RPS6KA2: variants seen among roughly 807,000 people sequenced by gnomAD.
RPS6KA2 encodes ribosomal protein S6 kinase alpha-2.
Under a neutral mutation model 91.8 loss-of-function variants are expected in RPS6KA2, and 42 were observed. The observed-to-expected ratio is 0.46, with a 90% CI of 0.36 to 0.59. The LOEUF is 0.59. Among genes scored for constraint, RPS6KA2 ranks in the 20% least tolerant of loss-of-function variants. RPS6KA2 has a pLI of 0.00. For synonymous variants in RPS6KA2, 414 were observed against 393.6 expected (o/e 1.05, Z -0.61); for missense variants, 798 against 978.5 (o/e 0.82, Z 2.46).
At chr6:166,472,338 A>G (rs1780803884) in intron 10 of RPS6KA2, among the ~76,000 whole-genome samples, 1 of 152,192 alleles carries the variant, frequency 6.6e-6, no homozygotes, top group South Asian at 2.1e-4. Flanking sequence ...AGAAAGTGAG[A>G]GGCAGAGGAA....
rs1334825573 is a variant in RPS6KA2 at position 166,494,141 on chromosome 6, T to TAG, written c.748-3402_748-3401dup. ...ACCTGAGATGGATGACTTGAAGTGG[T>TAG]AGAGGGCCTGGCTTTGCAGGGTATG... is the stretch of plus-strand genomic sequence containing the variant. On this transcript the variant is annotated intron_variant, in intron 8 of 20. Coordinates refer to ENST00000265678, the MANE Select transcript of RPS6KA2 (RefSeq NM_021135.6). The surrounding 1 kb of genome is among the most constrained non-coding windows in gnomAD (Gnocchi z 5.1). 6.6e-6 allele frequency among the ~76,000 whole-genome samples: 1 copy of TAG among 152,116 alleles called. No individual in the cohort carries two copies. The highest frequency in any genetic ancestry group is 2.4e-5 in the African/African-American group (1 of 41,420).
chr6:166,687,381 G>A (rs935719476), intron 2 of RPS6KA2, among the ~76,000 whole-genome samples: 5 of 152,170 alleles, frequency 3.3e-5, no homozygotes, highest in African/African-American at 1.2e-4. Context: ...AGTGTCCATG[G>A]TGCTGTGTAT....
chr6:166,591,530 C>T (rs1785353652), intron 1 of RPS6KA2, among the ~76,000 whole-genome samples: 1 of 152,070 alleles, frequency 6.6e-6, no homozygotes, highest in Non-Finnish European at 1.5e-5. Flanking sequence ...CCACCTAATC[C>T]AAGATGACTT....
In RPS6KA2 at chr6:166,563,469, C is replaced by T. The variant is rs966690624; in HGVS notation, c.100-24685G>A. Among the ~76,000 whole-genome samples the T allele has an allele frequency of 2.0e-5, 3 of 152,146 alleles. No homozygotes were observed. The highest frequency in any genetic ancestry group is 7.2e-5 in the African/African-American group (3 of 41,426). On this transcript the variant is annotated intron_variant, in intron 1 of 20. Coordinates refer to ENST00000265678, the MANE Select transcript of RPS6KA2 (RefSeq NM_021135.6). The surrounding 1 kb of genome is among the most constrained non-coding windows in gnomAD (Gnocchi z 4.1). ...CTGGTGACAGATGCCCCCTGCCACC[C>T]CCAGGGGCTGCGGCTCCCCCAGATG...
rs567197897 is a variant in RPS6KA2 at position 166,804,429 on chromosome 6, C to A, written c.123+53771G>T. ...ATTCACATTCTCTGGTATCTCACTG[C>A]GGGGAAATTAAAATTTATTCTCTTT... On this transcript the variant is annotated intron_variant, in intron 2 of 21. Transcript: ENST00000503859. Among the ~76,000 whole-genome samples, 5 of 151,182 alleles carry A rather than the reference C, an allele frequency of 3.3e-5. No homozygotes were observed. In the East Asian group the frequency reaches 9.8e-4, roughly 30 times the overall value.
At chr6:166,502,526 C>T (rs1319933504) in intron 6 of RPS6KA2, among the ~76,000 whole-genome samples, 1 of 152,232 alleles carries the variant, frequency 6.6e-6, no homozygotes, top group Non-Finnish European at 1.5e-5. Context: ...CACTCCCGGC[C>T]TGAGTGGATG....
chr6:166,573,940 C>G (rs187010739), intron 1 of RPS6KA2, among the ~76,000 whole-genome samples: 64 of 152,268 alleles, frequency 4.2e-4, no homozygotes, highest in African/African-American at 1.5e-3. Context: ...GGAACGCCGA[C>G]CCACAAAGAG....
Position 166,434,819 on chromosome 6 carries a change from C to T in RPS6KA2, c.1333-2329G>A, listed in dbSNP as rs1217966172. 1.3e-5 allele frequency among the ~76,000 whole-genome samples: 2 copies of T among 152,070 alleles called. No individual in the cohort carries two copies. The highest frequency in any genetic ancestry group is 2.1e-4 in the South Asian group (1 of 4,820). ...ATACAAGGAGTAAAAAAGGCCGACG[C>T]GAGCAGGTGCATCCTACGCCATCCC... On this transcript the variant is annotated intron_variant, in intron 14 of 20. Transcript: ENST00000265678. This position sits in a 1 kb window ranked among gnomAD's most constrained non-coding sequence, Gnocchi z 4.4.
chr6:166,676,309 C>T (rs1788617110), intron 2 of RPS6KA2, among the ~76,000 whole-genome samples: 2 of 142,084 alleles, frequency 1.4e-5, no homozygotes, highest in Admixed American at 7.0e-5. Context: ...AGACTTAAGA[C>T]TCTGTCTCAA....
chr6:166,524,255 T>C (rs1020891366), intron 3 of RPS6KA2, among the ~76,000 whole-genome samples: 4 of 152,248 alleles, frequency 2.6e-5, no homozygotes, highest in Non-Finnish European at 5.9e-5. Flanking sequence ...GCTGAGAAAG[T>C]TGACTTGCAG....
At chr6:166,478,543 A>C (rs916721102) in intron 10 of RPS6KA2, among the ~76,000 whole-genome samples, 1 of 152,188 alleles carries the variant, frequency 6.6e-6, no homozygotes, top group African/African-American at 2.4e-5. Flanking sequence ...TCCATTCTGC[A>C]ACCAGCTCAG....
At chr6:166,560,774 C>T (rs1004262792) in intron 1 of RPS6KA2, among the ~76,000 whole-genome samples, 1 of 152,126 alleles carries the variant, frequency 6.6e-6, no homozygotes, top group Non-Finnish European at 1.5e-5. Flanking sequence ...GCTTCCTACC[C>T]CTGAATCTGC....
chr6:166,703,899 C>A (rs1022345742), intron 2 of RPS6KA2, among the ~76,000 whole-genome samples: 1 of 152,170 alleles, frequency 6.6e-6, no homozygotes, highest in Non-Finnish European at 1.5e-5. Flanking sequence ...TGAAATGGGA[C>A]TTACAATGAA....
At chr6:166,466,285 C>T (rs1279141609) in intron 11 of RPS6KA2, among the ~76,000 whole-genome samples, 3 of 152,368 alleles carry the variant, frequency 2.0e-5, no homozygotes, top group African/African-American at 7.2e-5. Flanking sequence ...GCGGCTTCTG[C>T]TCAGAGCTCG....
chr6:166,860,335 A>G (rs1012608322), intron 1 of RPS6KA2, among the ~76,000 whole-genome samples: 9 of 152,274 alleles, frequency 5.9e-5, no homozygotes, highest in African/African-American at 1.7e-4. Context: ...AATGTATCCA[A>G]TTTTCCTCAA....
intron 8 of RPS6KA2, 99 bp downstream of exon 8, chr6:166,498,409 G>T: frequency 7.3e-7 from 1 of 1,365,470 alleles, no homozygotes; most frequent in Non-Finnish European, 9.6e-7. Flanking sequence ...CTCAGGCACT[G>T]CCTTCTTCCG....
chr6:166,447,599 C>T (rs966918525), intron 14 of RPS6KA2, among the ~76,000 whole-genome samples: 5 of 152,048 alleles, frequency 3.3e-5, no homozygotes, highest in African/African-American at 4.8e-5. Flanking sequence ...GAGGATCTAC[C>T]CTTTTGAAAT....
intron 15 of RPS6KA2, among the ~76,000 whole-genome samples, chr6:166,431,485 G>T (rs1201959501): frequency 1.3e-5 from 2 of 152,354 alleles, no homozygotes; most frequent in East Asian, 3.9e-4. Flanking sequence ...AGAGAGGCTA[G>T]GCAGAGTCCA....
chr6:166,766,588 TC>T (rs1778316942), intron 2 of RPS6KA2, among the ~76,000 whole-genome samples: 1 of 152,214 alleles, frequency 6.6e-6, no homozygotes, highest in South Asian at 2.1e-4. Flanking sequence ...TACTGTTTTT[TC>T]CCCTAAAATT....
Sources: gnomAD v4.1 joint callset for allele counts (sites outside exome capture counted in the v4.1 genomes callset) on GRCh38, gnomAD v4.1.1 for gene constraint, Gnocchi (gnomAD v3.1) non-coding constraint, MANE v1.5 for transcripts, NCBI Gene and HGNC (gene_info 2026-07-23, HGNC 2026-07-21) for gene names.